SPTLC2: variants seen among roughly 807,000 people sequenced by gnomAD.
SPTLC2 encodes serine palmitoyltransferase 2.
In SPTLC2, 21 loss-of-function variants were observed where a neutral mutation model predicts 62.0. That is an observed-to-expected ratio of 0.34 (90% CI 0.24 to 0.49). The LOEUF is 0.49. SPTLC2 is among the 20% of genes least tolerant of loss of function. The pLI is 0.99. For synonymous variants in SPTLC2, 261 were observed against 261.8 expected (o/e 1.00, Z 0.03); for missense variants, 511 against 713.0 (o/e 0.72, Z 3.23).
intron 1 of SPTLC2, among the ~76,000 whole-genome samples, chr14:77,598,797 C>T (rs1194391142): frequency 6.6e-6 from 1 of 151,934 alleles, no homozygotes; most frequent in African/African-American, 2.4e-5. Context: ...ACTAGCTGGA[C>T]ATGGTGGCAC....
intron 2 of SPTLC2, among the ~76,000 whole-genome samples, chr14:77,591,155 G>A (rs1011581895): frequency 3.3e-5 from 5 of 152,172 alleles, no homozygotes; most frequent in African/African-American, 7.2e-5. Context: ...ATGAAGTACC[G>A]ATACATGCTA....
At chr14:77,540,349 A>AT (rs1451138924) in intron 9 of SPTLC2, among the ~76,000 whole-genome samples, 7 of 152,200 alleles carry the variant, frequency 4.6e-5, no homozygotes, top group African/African-American at 1.7e-4. Flanking sequence ...CTGCTAATAA[A>AT]TTTAACACCA....
chr14:77,521,613 A>C lies in SPTLC2; in HGVS notation c.1304-32T>G, dbSNP rs866293441. 3 of 1,603,614 alleles carry C rather than the reference A, an allele frequency of 1.9e-6. No individual in the cohort carries two copies. The African/African-American group carries it at 4.0e-5, about 21-fold the overall frequency. ...AGTCACGGTGAGAGAAAACAAAATAATCCTAAGTAAAAAGGAATGGAAAAA... is the reference window on the plus strand; with the variant it reads ...AGTCACGGTGAGAGAAAACAAAATACTCCTAAGTAAAAAGGAATGGAAAAA... On this transcript the variant is annotated intron_variant, in intron 9 of 11. Transcript: ENST00000216484.
At position 77,511,689 on chromosome 14, in the gene SPTLC2, A is replaced by G. The variant is rs967705007; in HGVS notation, c.*595T>C. ...TGGAATAAGACCAAACCCTTGGGAG[A>G]TTACACAATGAGCCTTTCAGCAGTC... On this transcript the variant is annotated 3_prime_UTR_variant, in exon 12 of 12. Transcript: ENST00000216484. The G allele has an allele frequency of 7.4e-5, 12 of 162,676 alleles. No homozygotes were observed. The highest frequency in any genetic ancestry group is 2.4e-4 in the African/African-American group (10 of 41,542). 10.1% of individuals were successfully genotyped at this position (162,676 alleles called of 1,614,324 possible). A position where few individuals can be genotyped will look rare whatever the true frequency, so the allele number is the denominator to read the frequency against.
At chr14:77,583,833 C>T (rs890636883) in intron 2 of SPTLC2, among the ~76,000 whole-genome samples, 2 of 152,046 alleles carry the variant, frequency 1.3e-5, no homozygotes, top group Non-Finnish European at 2.9e-5. Context: ...AGAGAAGGAG[C>T]GAATACCTAA....
In SPTLC2 at chr14:77,579,014, C is replaced by G. The variant is rs761678264; in HGVS notation, c.423G>C (p.Val141=). Reference sequence around the variant, plus strand: ...CCATGATGTCCACCCTGGCTCCAGGCACACTACAGATTGGCCGATTCCAGT... The same window carrying G: ...CCATGATGTCCACCCTGGCTCCAGGGACACTACAGATTGGCCGATTCCAGT... ...RDNWNRPICS[V]PGARVDIMER... The change falls in exon 3 of 12, where the codon GTG becomes GTC. Residue 141 remains valine, a synonymous_variant. Coordinates refer to ENST00000216484, the MANE Select transcript of SPTLC2 (RefSeq NM_004863.4). 6.2e-7 allele frequency: 1 copy of G among 1,613,984 alleles called. No individual in the cohort carries two copies. Among genetic ancestry groups the G allele is most frequent in the Non-Finnish European group, 8.5e-7 (1 of 1,180,024 alleles).
At chr14:77,607,074 T>C (rs2079909443) in intron 1 of SPTLC2, among the ~76,000 whole-genome samples, 1 of 143,260 alleles carries the variant, frequency 7.0e-6, no homozygotes, top group African/African-American at 3.0e-5. Flanking sequence ...TGCAGTATTT[T>C]GTTTGTTTGT....
At chr14:77,528,266 T>C (rs2079418834) in intron 9 of SPTLC2, among the ~76,000 whole-genome samples, 1 of 151,814 alleles carries the variant, frequency 6.6e-6, no homozygotes, top group Admixed American at 6.6e-5. Flanking sequence ...AGTTTCACTC[T>C]TGTTGCCCAG....
chr14:77,581,706 C>T (rs570346709), intron 2 of SPTLC2, among the ~76,000 whole-genome samples: 8 of 152,234 alleles, frequency 5.3e-5, no homozygotes, highest in African/African-American at 1.9e-4. Context: ...GCCACCATGC[C>T]CAGCCACCAT....
intron 2 of SPTLC2, 107 bp downstream of exon 2, chr14:77,597,079 T>C (rs1371164194): frequency 9.0e-7 from 1 of 1,107,560 alleles, no homozygotes; most frequent in Non-Finnish European, 1.3e-6. Context: ...TGGAATAGTT[T>C]AATTTTAATG....
At chr14:77,602,654 AT>A (rs1181876851) in intron 1 of SPTLC2, among the ~76,000 whole-genome samples, 6 of 151,190 alleles carry the variant, frequency 4.0e-5, no homozygotes, top group Non-Finnish European at 7.4e-5. Context: ...GGCTTAAGTG[AT>A]CCTCCGGCCT....
At position 77,557,125 on chromosome 14, in the gene SPTLC2, A is replaced by G. The variant is rs1374794040; in HGVS notation, c.872T>C (p.Leu291Pro). 6.2e-7 allele frequency: 1 copy of G among 1,613,668 alleles called. No homozygotes were observed. Among genetic ancestry groups the G allele is most frequent in the Non-Finnish European group, 8.5e-7 (1 of 1,180,014 alleles). ...KHNNMQSLEK[L>P]LKDAIVYGQP... ...ACCATAAACAATGGCATCTTTCAAT[A>G]GCTTCTCTAGGCTTTGCATATCTAC... The change falls in exon 7 of 12, where the codon CTA becomes CCA. Residue 291 changes from leucine (L) to proline (P), a missense_variant. Transcript: ENST00000216484.
At chr14:77,582,180 G>C (rs2299918) in intron 2 of SPTLC2, among the ~76,000 whole-genome samples, 15,803 of 151,774 alleles carry the variant, frequency 0.1, 871 homozygotes, top group Admixed American at 0.16. Context: ...AGCCTCCCAA[G>C]TAGCTGAGAT....
intron 2 of SPTLC2, among the ~76,000 whole-genome samples, chr14:77,587,066 T>C (rs1278511419): frequency 6.6e-6 from 1 of 151,914 alleles, no homozygotes; most frequent in Admixed American, 6.6e-5. Flanking sequence ...GTACTAAAAA[T>C]ACAAAAACAA....
At chr14:77,521,394 A>G in intron 10 of SPTLC2, 52 bp downstream of exon 10, 1 of 1,612,966 alleles carries the variant, frequency 6.2e-7, no homozygotes, top group Admixed American at 1.7e-5. Flanking sequence ...CTGGTCTCAC[A>G]TCACAGATAA....
At chr14:77,549,600 G>C (rs951475727) in intron 9 of SPTLC2, among the ~76,000 whole-genome samples, 2 of 152,146 alleles carry the variant, frequency 1.3e-5, no homozygotes, top group Non-Finnish European at 2.9e-5. Flanking sequence ...GAGTCTTCCA[G>C]GCCAGCCCCA....
chr14:77,574,537 G>A (rs542599604), intron 4 of SPTLC2, among the ~76,000 whole-genome samples: 1 of 152,176 alleles, frequency 6.6e-6, no homozygotes, highest in Admixed American at 6.5e-5. Context: ...ACAAAAACTT[G>A]TACACCCACG....
At chr14:77,528,588 C>T (rs777003682) in intron 9 of SPTLC2, among the ~76,000 whole-genome samples, 26 of 152,068 alleles carry the variant, frequency 1.7e-4, no homozygotes, top group Non-Finnish European at 3.4e-4. Context: ...TCTATATCAG[C>T]TCAGGGTCCC....
At chr14:77,513,043 T>TTTTTTGAAAG (rs66611905) in intron 11 of SPTLC2, among the ~76,000 whole-genome samples, 1 of 139,168 alleles carries the variant, frequency 7.2e-6, no homozygotes, top group Non-Finnish European at 1.5e-5. Flanking sequence ...TTTTTTTTTT[T>TTTTTTGAAAG]GAGACAGAGT....
Sources: gnomAD v4.1 joint callset for allele counts (sites outside exome capture counted in the v4.1 genomes callset) on GRCh38, gnomAD v4.1.1 for gene constraint, MANE v1.5 for transcripts, NCBI Gene and HGNC (gene_info 2026-07-23, HGNC 2026-07-21) for gene names.